RP1: variants seen among roughly 807,000 people sequenced by gnomAD.
The protein encoded by RP1 is oxygen-regulated protein 1.
RP1 carries 16 observed loss-of-function variants against 14.8 expected under a neutral mutation model. The observed-to-expected ratio is 1.08, with a 90% confidence interval of 0.73 to 1.65. RP1 has a LOEUF of 1.65. Ranked by LOEUF, RP1 falls within the 40% of genes most tolerant of loss-of-function variation. The pLI is 0.00. For synonymous variants in RP1, 876 were observed against 883.6 expected (o/e 0.99, Z 0.15); for missense variants, 2,631 against 2,535.0 (o/e 1.04, Z -0.81).
At chr8:54,870,288 G>C (rs185398118) in exon 29 of RP1, 1 of 188,080 alleles carries the variant, frequency 5.3e-6, no homozygotes. Flanking sequence ...CTGACTTACT[G>C]CTAAGGTTAC....
At chr8:54,707,689 G>A (rs965261955) in intron 15 of RP1, among the ~76,000 whole-genome samples, 5 of 152,208 alleles carry the variant, frequency 3.3e-5, no homozygotes, top group Admixed American at 2.0e-4. Context: ...GCTTCTTGGG[G>A]TATGAGGAGG....
chr8:54,635,481 A>G (rs1465794731), downstream of RP1, among the ~76,000 whole-genome samples: 6 of 152,196 alleles, frequency 3.9e-5, no homozygotes, highest in African/African-American at 1.4e-4. Flanking sequence ...ATTGAGAGTG[A>G]AAGTGGTTAG....
At chr8:54,598,011 T>C (rs1476167141) in intron 1 of RP1, among the ~76,000 whole-genome samples, 1 of 152,142 alleles carries the variant, frequency 6.6e-6, no homozygotes, top group African/African-American at 2.4e-5. Context: ...CCATACATTT[T>C]TCCCTCCCCG....
At chr8:54,802,778 G>A (rs1012197023) in intron 24 of RP1, among the ~76,000 whole-genome samples, 2 of 152,172 alleles carry the variant, frequency 1.3e-5, no homozygotes, top group East Asian at 3.9e-4. Context: ...TGCCAGAAGT[G>A]TTATGAGTTA....
intron 18 of RP1, among the ~76,000 whole-genome samples, chr8:54,736,262 G>A (rs1808917779): frequency 6.6e-6 from 1 of 151,940 alleles, no homozygotes; most frequent in Non-Finnish European, 1.5e-5. Context: ...TAAATTTTAA[G>A]GTATTGTGAT....
exon 17 of RP1, chr8:54,726,455 C>T: frequency 6.5e-7 from 1 of 1,530,780 alleles, no homozygotes; most frequent in South Asian, 1.2e-5. Context: ...GGCTAGGAGT[C>T]CCTTACCTTC....
intron 1 of RP1, among the ~76,000 whole-genome samples, chr8:54,565,207 T>C (rs1804375273): frequency 6.6e-6 from 1 of 152,194 alleles, no homozygotes; most frequent in South Asian, 2.1e-4. Context: ...ACCTGTGATC[T>C]GCTCAGTGTG....
chr8:54,855,499 T>C (rs977017788), intron 26 of RP1, among the ~76,000 whole-genome samples: 3 of 152,332 alleles, frequency 2.0e-5, no homozygotes, highest in South Asian at 2.1e-4. Flanking sequence ...AGATAAATTA[T>C]ACTATTTTAG....
chr8:54,697,310 T>G (rs2129341933), intron 12 of RP1, among the ~76,000 whole-genome samples: 1 of 152,258 alleles, frequency 6.6e-6, no homozygotes, highest in Middle Eastern at 3.4e-3. Flanking sequence ...ATCCCAGAAC[T>G]TTGGTAGTCT....
intron 24 of RP1, among the ~76,000 whole-genome samples, chr8:54,787,619 C>T (rs1334455492): frequency 2.0e-5 from 3 of 152,084 alleles, no homozygotes; most frequent in Non-Finnish European, 4.4e-5. Context: ...ATAGTATTCT[C>T]CGTTGCTGGG....
At chr8:54,572,904 T>G (rs1204055464) in intron 1 of RP1, among the ~76,000 whole-genome samples, 1 of 152,228 alleles carries the variant, frequency 6.6e-6, no homozygotes, top group Non-Finnish European at 1.5e-5. Flanking sequence ...GAGTTATTTC[T>G]GTAAGTGTCT....
Position 54,629,152 on chromosome 8 carries a change from C to T in RP1, c.5270C>T (p.Ser1757Leu). Residue 1757 changes from serine (S) to leucine (L), a missense_variant, in exon 4 of 4, where the codon TCA (serine) becomes TTA (leucine). Ser to Leu is a moderately radical substitution (Grantham distance 145, BLOSUM62 -2). Transcript: ENST00000220676. ...AAAGAAAATCATTTGCTAAGGATGT[C>T]ATCTGAAAATCCTGGCATGTGTGGC... ...LLKENHLLRM[S>L]SENPGMCGNA... 6.2e-7 allele frequency: 1 copy of T among 1,614,062 alleles called. No individual in the cohort carries two copies. Among genetic ancestry groups the T allele is most frequent in the South Asian group, 1.1e-5 (1 of 91,056 alleles).
chr8:54,616,359 A>G (rs900342445), intron 1 of RP1, among the ~76,000 whole-genome samples, 157 bp downstream of exon 1: 1 of 152,260 alleles, frequency 6.6e-6, no homozygotes, highest in East Asian at 1.9e-4. Context: ...TTACCTAACT[A>G]TGCCAGCAAC....
At chr8:54,708,570 A>G (rs1808213974) in intron 15 of RP1, among the ~76,000 whole-genome samples, 1 of 152,048 alleles carries the variant, frequency 6.6e-6, no homozygotes, top group African/African-American at 2.4e-5. Context: ...CGTGTTAGCC[A>G]GGATGGTCTC....
chr8:54,805,486 A>G (rs1235789414), intron 24 of RP1, among the ~76,000 whole-genome samples: 1 of 152,194 alleles, frequency 6.6e-6, no homozygotes, highest in African/African-American at 2.4e-5. Flanking sequence ...CATATTTCAC[A>G]CCCATGACTT....
rs551569083 is a variant in RP1 at position 54,638,458 on chromosome 8, C to A, written c.788-10527C>A. On this transcript the variant is annotated intron_variant, in intron 3 of 22. Transcript: ENST00000636932. Reference sequence around the variant, plus strand: ...ATCTCAAAAAAAAAAAAAAAACATACCGTTATTCTCATGTTTAATGGATAA... The same window carrying A: ...ATCTCAAAAAAAAAAAAAAAACATAACGTTATTCTCATGTTTAATGGATAA... Among the ~76,000 whole-genome samples, 201 of 151,550 alleles carry A rather than the reference C, an allele frequency of 1.3e-3. 2 individuals carry two copies. The highest frequency in any genetic ancestry group is 4.4e-3 in the African/African-American group (180 of 41,324).
At chr8:54,826,741 T>C (rs1284979127) in intron 24 of RP1, among the ~76,000 whole-genome samples, 3 of 152,202 alleles carry the variant, frequency 2.0e-5, no homozygotes, top group African/African-American at 7.2e-5. Context: ...ATTAAAAGGA[T>C]CTGCATTAAA....
chr8:54,800,348 G>T (rs1225959882), intron 24 of RP1, among the ~76,000 whole-genome samples: 1 of 151,764 alleles, frequency 6.6e-6, no homozygotes, highest in Non-Finnish European at 1.5e-5. Flanking sequence ...GTGTGTGTGT[G>T]TATTAGTATT....
chr8:54,764,911 GAA>G (rs71554178), intron 22 of RP1, among the ~76,000 whole-genome samples: 1 of 112,260 alleles, frequency 8.9e-6, no homozygotes. Flanking sequence ...GAGTTAAAAA[GAA>G]AAAAAAAAAA....
Sources: allele counts gnomAD v4.1 joint callset (sites outside exome capture counted in the v4.1 genomes callset), GRCh38; gene constraint gnomAD v4.1.1; transcripts MANE v1.5; gene names NCBI Gene and HGNC (gene_info 2026-07-23, HGNC 2026-07-21).